The following DGKI variants were observed in gnomAD, a reference collection of about 807,000 sequenced individuals.
The protein encoded by DGKI is diacylglycerol kinase iota, also known as DAG kinase iota.
A neutral mutation model predicts 147.5 loss-of-function variants in DGKI; 55 were observed. That is an observed-to-expected ratio of 0.37 (90% CI 0.30 to 0.47). The LOEUF (loss-of-function observed/expected upper bound fraction) is 0.47. DGKI is among the 20% of genes least tolerant of loss of function. The pLI, the probability that DGKI is intolerant of heterozygous loss-of-function variation, is 1.00. For synonymous variants in DGKI, 469 were observed against 477.1 expected (o/e 0.98, Z 0.22); for missense variants, 1,007 against 1,323.8 (o/e 0.76, Z 3.71).
intron 1 of DGKI, among the ~76,000 whole-genome samples, chr7:137,766,264 C>A (rs1796010686): frequency 6.6e-6 from 1 of 152,190 alleles, no homozygotes; most frequent in Non-Finnish European, 1.5e-5. Flanking sequence ...CTCTAAGAAA[C>A]AAATATTTCC....
chr7:137,469,726 G>T, intron 23 of DGKI, 107 bp from the exon 24 acceptor site: 2 of 869,792 alleles, frequency 2.3e-6, no homozygotes, highest in Non-Finnish European at 3.4e-6. Flanking sequence ...GGTGAGAAGA[G>T]CAAATCACAT....
chr7:137,459,630 A>G (rs934831574), intron 27 of DGKI, among the ~76,000 whole-genome samples: 4 of 151,118 alleles, frequency 2.6e-5, no homozygotes, highest in African/African-American at 9.7e-5. Context: ...GCCCGCCACC[A>G]CGCCCGGCTA....
At chr7:137,671,670 T>C (rs1822847348) in intron 3 of DGKI, among the ~76,000 whole-genome samples, 1 of 152,244 alleles carries the variant, frequency 6.6e-6, no homozygotes, top group Non-Finnish European at 1.5e-5. Context: ...TATCTAGATC[T>C]TTTTGTCTCT....
At chr7:137,728,875 G>T (rs1794789869) in intron 1 of DGKI, among the ~76,000 whole-genome samples, 1 of 152,112 alleles carries the variant, frequency 6.6e-6, no homozygotes, top group Non-Finnish European at 1.5e-5. Flanking sequence ...TACTATGATT[G>T]ATTTTGAGCT....
At chr7:137,492,561 C>T (rs1815805885) in intron 21 of DGKI, among the ~76,000 whole-genome samples, 1 of 152,080 alleles carries the variant, frequency 6.6e-6, no homozygotes, top group South Asian at 2.1e-4. Context: ...AGAATCCTGG[C>T]AGGAGGAGAC....
At chr7:137,552,282 C>CA (rs1449767094) in intron 20 of DGKI, 87 bp downstream of exon 20, 60 of 1,446,528 alleles carry the variant, frequency 4.1e-5, no homozygotes, top group Non-Finnish European at 5.5e-5. Context: ...CTTCCCAACA[C>CA]AGTGAGGTCC....
intron 28 of DGKI, among the ~76,000 whole-genome samples, chr7:137,433,870 A>AG (rs2128912590): frequency 6.6e-6 from 1 of 152,042 alleles, no homozygotes; most frequent in African/African-American, 2.4e-5. Flanking sequence ...GTAATGCCAG[A>AG]ACTTTGGGAG....
intron 3 of DGKI, among the ~76,000 whole-genome samples, chr7:137,671,183 T>C (rs2116349476): frequency 6.6e-6 from 1 of 152,344 alleles, no homozygotes. Flanking sequence ...TGTACTCTTC[T>C]TGAAAGTTTC....
chr7:137,684,836 G>C (rs1190139680), intron 2 of DGKI, among the ~76,000 whole-genome samples: 2 of 152,174 alleles, frequency 1.3e-5, no homozygotes, highest in Non-Finnish European at 1.5e-5. Flanking sequence ...ACTCAGACCT[G>C]ATGAAGAGGG....
chr7:137,748,641 G>A (rs981266104), intron 1 of DGKI, among the ~76,000 whole-genome samples: 1 of 152,070 alleles, frequency 6.6e-6, no homozygotes, highest in Non-Finnish European at 1.5e-5. Context: ...AAGCCATGGG[G>A]AACTTTTATT....
chr7:137,624,149 G>A (rs543668551), intron 6 of DGKI, among the ~76,000 whole-genome samples: 20 of 152,172 alleles, frequency 1.3e-4, no homozygotes, highest in Non-Finnish European at 2.2e-4. Context: ...TCAATGAAAT[G>A]GTAAACCTAA....
intron 21 of DGKI, among the ~76,000 whole-genome samples, chr7:137,511,701 A>C (rs1269540981): frequency 6.6e-6 from 1 of 152,228 alleles, no homozygotes; most frequent in Admixed American, 6.5e-5. Context: ...TAGTTCAAAA[A>C]TCAGGTTATT....
chr7:137,618,038 T>C (rs1309806224), intron 8 of DGKI, among the ~76,000 whole-genome samples: 4 of 144,704 alleles, frequency 2.8e-5, no homozygotes, highest in Non-Finnish European at 6.1e-5. Context: ...TATCCCCTGA[T>C]TTTCCTAACT....
intron 21 of DGKI, among the ~76,000 whole-genome samples, chr7:137,516,415 C>T (rs1006872035): frequency 6.6e-6 from 1 of 152,188 alleles, no homozygotes; most frequent in Middle Eastern, 3.4e-3. Context: ...CAAGGTCACA[C>T]ACTTAATTAG....
At chr7:137,800,713 A>G (rs2116959789) in intron 1 of DGKI, among the ~76,000 whole-genome samples, 1 of 152,340 alleles carries the variant, frequency 6.6e-6, no homozygotes, top group African/African-American at 2.4e-5. Flanking sequence ...AGACCTAGAA[A>G]AGACTGGCAA....
intron 21 of DGKI, among the ~76,000 whole-genome samples, chr7:137,521,338 G>A (rs561476324): frequency 6.6e-6 from 1 of 152,174 alleles, no homozygotes; most frequent in African/African-American, 2.4e-5. Flanking sequence ...CGACTCAAGT[G>A]CAGGTTTCAA....
At position 137,444,104 on chromosome 7, in the gene DGKI, TA is replaced by T; in HGVS notation, c.2736-3del. Reference sequence around the variant, plus strand: ...TGATCTTCTGAAGAGACTGGTGACCTAAAAGGAAATAATAAGCATGATCAAT... The same window carrying T: ...TGATCTTCTGAAGAGACTGGTGACCTAAAGGAAATAATAAGCATGATCAAT... On this transcript the variant is annotated splice_region_variant and splice_polypyrimidine_tract_variant and intron_variant, in intron 27 of 32. Coordinates refer to ENST00000614521, the MANE Select transcript of DGKI (RefSeq NM_001321708.2). 1 of 1,471,624 alleles carries T rather than the reference TA, an allele frequency of 6.8e-7. No homozygotes were observed. Among genetic ancestry groups the T allele is most frequent in the Non-Finnish European group, 9.3e-7 (1 of 1,074,770 alleles). The allele number at this position is 1,471,624 out of a possible 1,614,324, so 91.2% of individuals were successfully genotyped here.
At chr7:137,404,020 T>C (rs1330079064) in intron 30 of DGKI, among the ~76,000 whole-genome samples, 1 of 152,180 alleles carries the variant, frequency 6.6e-6, no homozygotes, top group African/African-American at 2.4e-5. Flanking sequence ...TCCAGAGTTA[T>C]CATCATTACT....
chr7:137,768,142 T>C (rs1796075220), intron 1 of DGKI, among the ~76,000 whole-genome samples: 1 of 152,208 alleles, frequency 6.6e-6, no homozygotes, highest in South Asian at 2.1e-4. Flanking sequence ...TCATCTAAAA[T>C]GGTACCATCT....
Sources: allele counts gnomAD v4.1 joint callset (sites outside exome capture counted in the v4.1 genomes callset), GRCh38; gene constraint gnomAD v4.1.1; transcripts MANE v1.5; gene names NCBI Gene and HGNC (gene_info 2026-07-23, HGNC 2026-07-21).